Variants in MPDZ observed in about 807,000 individuals in gnomAD.
MPDZ encodes multiple PDZ domain crumbs cell polarity complex component, also known as multiple PDZ domain protein.
A neutral mutation model predicts 239.1 loss-of-function variants in MPDZ; 234 were observed. That is an observed-to-expected ratio of 0.98 (90% CI 0.88 to 1.09). MPDZ has a LOEUF of 1.09. Ranked by LOEUF, MPDZ falls within the 50% of genes least tolerant of loss-of-function variation. The probability of loss-of-function intolerance (pLI) is 0.00; values close to 1 mark genes in which losing one functional copy is unlikely to be tolerated. For synonymous variants in MPDZ, 1,048 were observed against 881.3 expected, an observed-to-expected ratio of 1.19 and a Z score of -3.35; for missense variants, 3,175 against 2,510.0, an observed-to-expected ratio of 1.26 and a Z score of -5.66.
chr9:13,188,863 C>A lies in MPDZ; in HGVS notation c.2285G>T (p.Ser762Ile). 6.2e-7 allele frequency: 1 copy of A among 1,613,576 alleles called. No homozygotes were observed. Among genetic ancestry groups the A allele is most frequent in the Non-Finnish European group, 8.5e-7 (1 of 1,179,600 alleles). ...MFVNDVNLEN[S>I]SLEEAVEALK... The stretch of plus-strand genomic sequence containing the variant: ...TGCTTCTACAGCTTCCTCAAGACTG[C>A]TGTTTTCCAAGTTAACATCGTTTAC... The change falls in exon 17 of 47, where the codon AGC becomes ATC. Residue 762 changes from serine (S) to isoleucine (I), a missense_variant. Transcript: ENST00000319217.
chr9:13,132,166 A>C (rs1185212313), intron 32 of MPDZ, among the ~76,000 whole-genome samples: 1 of 152,202 alleles, frequency 6.6e-6, no homozygotes, highest in Non-Finnish European at 1.5e-5. Flanking sequence ...CACATAATAG[A>C]CATCTGCTGA....
chr9:13,244,831 T>C (rs560679858), intron 3 of MPDZ, among the ~76,000 whole-genome samples: 14 of 152,284 alleles, frequency 9.2e-5, no homozygotes, highest in African/African-American at 3.1e-4. Context: ...GCATCTGTCA[T>C]TAATACAACA....
At chr9:13,211,131 A>G (rs879658874) in intron 10 of MPDZ, among the ~76,000 whole-genome samples, 3 of 152,090 alleles carry the variant, frequency 2.0e-5, no homozygotes, top group Non-Finnish European at 2.9e-5. Context: ...TTAGACTATT[A>G]TTTAGTATGG....
chr9:13,272,158 A>T (rs997472446), intron 1 of MPDZ, among the ~76,000 whole-genome samples: 23 of 152,112 alleles, frequency 1.5e-4, no homozygotes, highest in South Asian at 4.1e-4. Flanking sequence ...CCACAATAAA[A>T]CAGTTAAACA....
intron 18 of MPDZ, among the ~76,000 whole-genome samples, chr9:13,185,103 T>C (rs1953915704): frequency 6.6e-6 from 1 of 152,056 alleles, no homozygotes; most frequent in South Asian, 2.1e-4. Context: ...CACAGTACTG[T>C]ATGTAATTCG....
intron 1 of MPDZ, among the ~76,000 whole-genome samples, chr9:13,278,176 CTA>C (rs1365118963): frequency 5.3e-5 from 8 of 152,200 alleles, no homozygotes; most frequent in African/African-American, 1.9e-4. Flanking sequence ...GATTCCTTCT[CTA>C]TGACATCAAG....
In MPDZ at chr9:13,157,780, A is replaced by G. The variant is rs139377339; in HGVS notation, c.3452+238T>C. The stretch of plus-strand genomic sequence containing the variant: ...TATCCATTCCAACTACCTATGAATA[A>G]TTTTCTTTAATTTAGTCCCTACTAT... On this transcript the variant is annotated intron_variant, in intron 24 of 46. Coordinates refer to ENST00000319217, the MANE Select transcript of MPDZ (RefSeq NM_001378778.1). Among the ~76,000 whole-genome samples the G allele has an allele frequency of 9.9e-3, 1,506 of 152,206 alleles. 31 individuals carry two copies. Among genetic ancestry groups the G allele is most frequent in the African/African-American group, 0.034 (1,421 of 41,552 alleles).
intron 1 of MPDZ, among the ~76,000 whole-genome samples, chr9:13,253,065 C>A (rs956337538): frequency 6.6e-6 from 1 of 152,008 alleles, no homozygotes; most frequent in Admixed American, 6.6e-5. Flanking sequence ...GGGAGGTAGA[C>A]CTCGGATTTA....
chr9:13,262,869 G>A (rs1018924111), intron 1 of MPDZ, among the ~76,000 whole-genome samples: 2 of 151,998 alleles, frequency 1.3e-5, no homozygotes, highest in Admixed American at 6.6e-5. Context: ...ATAAAAAATA[G>A]TATATGGGCC....
At chr9:13,121,630 A>G in intron 38 of MPDZ, 109 bp downstream of exon 38, 4 of 1,130,070 alleles carry the variant, frequency 3.5e-6, no homozygotes, top group Non-Finnish European at 5.2e-6. Flanking sequence ...ACAGCTACCT[A>G]CTGAACACTA....
intron 22 of MPDZ, chr9:13,165,387 G>A (rs1483562805): frequency 2.6e-5 from 40 of 1,549,352 alleles, no homozygotes; most frequent in Admixed American, 9.8e-5. Context: ...GGGCTCGATC[G>A]TCAGCAGGTG....
At chr9:13,156,378 AG>A (rs1258462875) in intron 24 of MPDZ, among the ~76,000 whole-genome samples, 3 of 152,208 alleles carry the variant, frequency 2.0e-5, no homozygotes, top group African/African-American at 7.2e-5. Flanking sequence ...AATTTACAAA[AG>A]AAGGAGGTTT....
At chr9:13,173,265 G>A (rs1264297724) in intron 21 of MPDZ, among the ~76,000 whole-genome samples, 2 of 152,066 alleles carry the variant, frequency 1.3e-5, no homozygotes, top group African/African-American at 4.8e-5. Context: ...TGATGAAAAT[G>A]GTCAATTTTA....
chr9:13,216,708 T>C, intron 10 of MPDZ, 66 bp downstream of exon 10: 2 of 1,238,556 alleles, frequency 1.6e-6, no homozygotes, highest in Admixed American at 2.1e-5. Context: ...CAAAACTAAG[T>C]AAACTAGGAG....
intron 5 of MPDZ, among the ~76,000 whole-genome samples, chr9:13,222,778 T>G (rs542675591): frequency 6.6e-6 from 1 of 152,074 alleles, no homozygotes; most frequent in Non-Finnish European, 1.5e-5. Flanking sequence ...TGTGTATCCA[T>G]GGGTTCCACA....
At chr9:13,195,957 C>G (rs1955586134) in intron 13 of MPDZ, among the ~76,000 whole-genome samples, 164 bp downstream of exon 13, 1 of 152,058 alleles carries the variant, frequency 6.6e-6, no homozygotes, top group South Asian at 2.1e-4. Flanking sequence ...TTTCTCCAAC[C>G]TAAATTTTTT....
intron 19 of MPDZ, among the ~76,000 whole-genome samples, chr9:13,178,924 T>C (rs1271896142): frequency 1.3e-5 from 2 of 152,200 alleles, no homozygotes; most frequent in Non-Finnish European, 2.9e-5. Context: ...CTTTCTAGTA[T>C]TTTTCCTCTT....
At chr9:13,223,422 CAAT>C (rs1202971614) in intron 5 of MPDZ, 146 bp downstream of exon 5, 6 of 822,874 alleles carry the variant, frequency 7.3e-6, no homozygotes, top group Non-Finnish European at 1.0e-5. Context: ...TTTATCACAA[CAAT>C]GTTAATGACT....
At chr9:13,133,179 C>G (rs1167171563) in intron 32 of MPDZ, among the ~76,000 whole-genome samples, 1 of 151,974 alleles carries the variant, frequency 6.6e-6, no homozygotes, top group Non-Finnish European at 1.5e-5. Context: ...GGAAAAGAAA[C>G]TAAGAGCAGA....
Sources: gnomAD v4.1 joint callset for allele counts (sites outside exome capture counted in the v4.1 genomes callset) on GRCh38, gnomAD v4.1.1 for gene constraint, MANE v1.5 for transcripts, NCBI Gene and HGNC (gene_info 2026-07-23, HGNC 2026-07-21) for gene names.